FOXP1: variants seen among roughly 807,000 people sequenced by gnomAD.
FOXP1 encodes forkhead box P1.
A neutral mutation model predicts 98.2 loss-of-function variants in FOXP1; 15 were observed. The ratio of observed to expected loss-of-function variants is 0.15; its 90% CI spans 0.10 to 0.24. The LOEUF (loss-of-function observed/expected upper bound fraction) is 0.24. FOXP1 is among the 10% of genes least tolerant of loss of function. The pLI is 1.00. For missense variants in FOXP1, 633 were observed against 848.5 expected (o/e 0.75, Z 3.15); for synonymous variants, 371 against 314.5 (o/e 1.18, Z -1.90).
intron 20 of FOXP1, among the ~76,000 whole-genome samples, chr3:70,961,576 G>A (rs1305650992): frequency 1.3e-5 from 2 of 152,054 alleles, no homozygotes; most frequent in Non-Finnish European, 2.9e-5. Context: ...GTGCAAGGAA[G>A]GCTGCATGGG....
At chr3:71,099,766 A>T (rs917266503) in intron 7 of FOXP1, among the ~76,000 whole-genome samples, 1 of 152,180 alleles carries the variant, frequency 6.6e-6, no homozygotes, top group Admixed American at 6.5e-5. Context: ...ATCACAATGT[A>T]ATGCTGCCTC....
intron 3 of FOXP1, among the ~76,000 whole-genome samples, chr3:71,453,122 T>C (rs928104517): frequency 6.6e-6 from 1 of 152,190 alleles, no homozygotes; most frequent in Non-Finnish European, 1.5e-5. Flanking sequence ...TTACCTCGCA[T>C]TACTTCCAGG....
intron 19 of FOXP1, among the ~76,000 whole-genome samples, chr3:70,967,627 TTTTC>T (rs147234724): frequency 0.018 from 2,746 of 150,872 alleles, 92 homozygotes; most frequent in African/African-American, 0.059. Context: ...ATAAAGCTTT[TTTTC>T]TTTCTTTCTT....
intron 6 of FOXP1, among the ~76,000 whole-genome samples, chr3:71,119,584 T>A (rs976122176): frequency 1.3e-5 from 2 of 151,948 alleles, no homozygotes; most frequent in African/African-American, 4.8e-5. Context: ...ATCCTCTACA[T>A]ACTCTTTGAC....
chr3:71,257,452 G>A (rs908523097), intron 5 of FOXP1, among the ~76,000 whole-genome samples: 1 of 152,060 alleles, frequency 6.6e-6, no homozygotes, highest in Non-Finnish European at 1.5e-5. Context: ...GAGGGTGGTG[G>A]CAGGCCCCTG....
At chr3:71,289,665 G>A (rs563889191) in intron 5 of FOXP1, 3 of 150,478 alleles carry the variant, frequency 2.0e-5, no homozygotes, top group Non-Finnish European at 4.4e-5. Flanking sequence ...TTACTTTTTT[G>A]AGACAGAGTC....
At chr3:71,410,870 T>C (rs553452358) in intron 3 of FOXP1, among the ~76,000 whole-genome samples, 11 of 152,362 alleles carry the variant, frequency 7.2e-5, no homozygotes, top group Non-Finnish European at 1.5e-4. Flanking sequence ...TTCTTAAGAA[T>C]GGCTGGTATT....
intron 5 of FOXP1, among the ~76,000 whole-genome samples, chr3:71,297,669 A>C (rs935063264): frequency 2.7e-5 from 4 of 149,848 alleles, no homozygotes; most frequent in East Asian, 3.9e-4. Flanking sequence ...AGCCTGCAGA[A>C]CAGTGGTGCG....
At chr3:71,092,297 G>C (rs529454301) in intron 7 of FOXP1, among the ~76,000 whole-genome samples, 2 of 152,172 alleles carry the variant, frequency 1.3e-5, no homozygotes, top group South Asian at 4.2e-4. Context: ...CTTGAACCTG[G>C]TGAGTTAGGG....
chr3:71,299,490 TCAC>T (rs898232180), intron 5 of FOXP1, among the ~76,000 whole-genome samples: 1 of 152,216 alleles, frequency 6.6e-6, no homozygotes, highest in Admixed American at 6.5e-5. Context: ...ATTTTATGAA[TCAC>T]CACTTTTGTG....
At chr3:71,493,386 G>T (rs1379363768) in intron 3 of FOXP1, 40 bp downstream of exon 3, 1 of 152,116 alleles carries the variant, frequency 6.6e-6, no homozygotes, top group Non-Finnish European at 1.5e-5. Flanking sequence ...TTTGTCTTGT[G>T]AATTTTCAGA....
chr3:71,546,742 A>G lies in FOXP1; in HGVS notation c.-298+34807T>C, dbSNP rs187438080. ...TTTCTAAGAGGCTCCTGGACAGTGA[A>G]GTCAGGGAGCTGCCTAGCCTCTGCA... On this transcript the variant is annotated intron_variant, in intron 2 of 20. Transcript: ENST00000649528. Among the ~76,000 whole-genome samples the G allele has an allele frequency of 6.0e-3, 918 of 152,288 alleles. 6 individuals carry two copies. Among genetic ancestry groups the G allele is most frequent in the Middle Eastern group, 0.014 (4 of 294 alleles).
chr3:71,535,575 AT>A (rs1484455399), intron 2 of FOXP1, among the ~76,000 whole-genome samples: 1 of 151,978 alleles, frequency 6.6e-6, no homozygotes, highest in Non-Finnish European at 1.5e-5. Context: ...AAAACACAAA[AT>A]GTTAGCTTGG....
chr3:71,106,615 C>T (rs1250875107), intron 7 of FOXP1, among the ~76,000 whole-genome samples: 1 of 150,338 alleles, frequency 6.7e-6, no homozygotes, highest in Non-Finnish European at 1.5e-5. Context: ...TGAGCCATTG[C>T]ACCCGGCCAC....
At chr3:71,160,679 A>C in intron 6 of FOXP1, among the ~76,000 whole-genome samples, 1 of 152,360 alleles carries the variant, frequency 6.6e-6, no homozygotes, top group East Asian at 1.9e-4. Context: ...TACATTGGCT[A>C]GTGGTTACCT....
chr3:71,451,244 GA>G (rs1453352406), intron 3 of FOXP1, among the ~76,000 whole-genome samples: 1 of 152,210 alleles, frequency 6.6e-6, no homozygotes, highest in East Asian at 1.9e-4. Context: ...TGGCCGGCCA[GA>G]AAGACTGTGA....
At chr3:70,965,840 A>G in intron 20 of FOXP1, 50 bp downstream of exon 20, 1 of 1,575,106 alleles carries the variant, frequency 6.3e-7, no homozygotes, top group Non-Finnish European at 8.7e-7. Flanking sequence ...GCGTGTACCT[A>G]GGGAGACTAG....
At position 71,198,444 on chromosome 3, in the gene FOXP1, G is replaced by A. The variant is rs78369780; in HGVS notation, c.-11-52C>T. ...GGAGGGAGGGGGGGAGAAAAAAAAA[G>A]CAGCTGTTAAAGCAGTTGTTGTGCA... On this transcript the variant is annotated intron_variant, in intron 5 of 20. Coordinates refer to ENST00000649528, the MANE Select transcript of FOXP1 (RefSeq NM_001349338.3). The A allele has an allele frequency of 0.024, 30,762 of 1,275,060 alleles. 1,259 individuals carry two copies. Among genetic ancestry groups the A allele is most frequent in the South Asian group, 0.083 (6,901 of 82,846 alleles). The allele number at this position is 1,275,060 out of a possible 1,614,324, so 79.0% of individuals were successfully genotyped here.
At chr3:71,507,086 T>C (rs2041879324) in intron 2 of FOXP1, among the ~76,000 whole-genome samples, 1 of 152,184 alleles carries the variant, frequency 6.6e-6, no homozygotes, top group African/African-American at 2.4e-5. Context: ...CTCAAATGTG[T>C]GAGCTGCTGC....
Sources: gnomAD v4.1 joint callset for allele counts (sites outside exome capture counted in the v4.1 genomes callset) on GRCh38, gnomAD v4.1.1 for gene constraint, MANE v1.5 for transcripts, NCBI Gene and HGNC (gene_info 2026-07-23, HGNC 2026-07-21) for gene names.